Variants in FNDC3B observed in about 807,000 individuals in gnomAD.
FNDC3B encodes fibronectin type III domain containing 3B.
In FNDC3B, 12 loss-of-function variants were observed where a neutral mutation model predicts 151.5. The observed-to-expected ratio is 0.08, with a 90% CI of 0.05 to 0.13. FNDC3B has a LOEUF of 0.13. FNDC3B is among the 10% of genes least tolerant of loss of function. The probability of loss-of-function intolerance (pLI) is 1.00; values close to 1 mark genes in which losing one functional copy is unlikely to be tolerated. For missense variants in FNDC3B, 1,214 were observed against 1,505.3 expected (o/e 0.81, Z 3.20); for synonymous variants, 528 against 549.0 (o/e 0.96, Z 0.54).
chr3:172,268,373 G>A (rs1399362133), intron 6 of FNDC3B, among the ~76,000 whole-genome samples: 4 of 152,150 alleles, frequency 2.6e-5, no homozygotes, highest in African/African-American at 9.7e-5. Context: ...AAGTTGATGA[G>A]AATAATGAAG....
intron 8 of FNDC3B, among the ~76,000 whole-genome samples, chr3:172,297,622 C>G (rs1369299788): frequency 6.6e-6 from 1 of 152,092 alleles, no homozygotes; most frequent in East Asian, 1.9e-4. Context: ...TTACAGGTGC[C>G]CGCCACCACG....
At chr3:172,195,745 G>A (rs1241450698) in intron 3 of FNDC3B, among the ~76,000 whole-genome samples, 1 of 152,186 alleles carries the variant, frequency 6.6e-6, no homozygotes, top group Admixed American at 6.5e-5. Context: ...GCCAGCCTGA[G>A]GAATAGGATG....
At chr3:172,151,429 C>T (rs1284722507) in intron 3 of FNDC3B, among the ~76,000 whole-genome samples, 3 of 152,154 alleles carry the variant, frequency 2.0e-5, no homozygotes, top group Admixed American at 2.0e-4. Context: ...GCTTTCTTTA[C>T]TTACCGTCTC....
chr3:172,174,674 A>G (rs1723459861), intron 3 of FNDC3B, among the ~76,000 whole-genome samples: 1 of 152,074 alleles, frequency 6.6e-6, no homozygotes, highest in Admixed American at 6.5e-5. Context: ...AGACAAACAA[A>G]CAGGGGCCTT....
rs1470498217 is a variant in FNDC3B, at chr3:172,196,725, G to A, written c.188-30146G>A. Among the ~76,000 whole-genome samples, 8 of 152,076 alleles carry A rather than the reference G, an allele frequency of 5.3e-5. No homozygotes were observed. The South Asian group carries it at 1.2e-3, about 24-fold the overall frequency. Reference sequence around the variant, plus strand: ...CTAGAGGTTAAGGACAGCCCTCAAAGTCTTGTAATGTTAGGATGAGCCACA... The same window carrying A: ...CTAGAGGTTAAGGACAGCCCTCAAAATCTTGTAATGTTAGGATGAGCCACA... On this transcript the variant is annotated intron_variant, in intron 3 of 25. Transcript: ENST00000415807.
intron 1 of FNDC3B, among the ~76,000 whole-genome samples, chr3:172,067,255 T>C (rs1717545665): frequency 6.6e-6 from 1 of 152,254 alleles, no homozygotes; most frequent in Non-Finnish European, 1.5e-5. Flanking sequence ...AATGTGGCGC[T>C]GTAATTAGTT....
rs566449394 is a variant in FNDC3B, at chr3:172,192,275, C to T, written c.188-34596C>T. On this transcript the variant is annotated intron_variant, in intron 3 of 25. Transcript: ENST00000415807. Reference sequence around the variant, plus strand: ...GCAACCTCCGCCTCCCTGGTACAAGCGATTCTCCTGCCTCAGCCTCCTGAG... The same window carrying T: ...GCAACCTCCGCCTCCCTGGTACAAGTGATTCTCCTGCCTCAGCCTCCTGAG... 1.7e-4 allele frequency among the ~76,000 whole-genome samples: 26 copies of T among 150,664 alleles called. No individual in the cohort carries two copies. In the East Asian group the frequency reaches 3.7e-3, roughly 21 times the overall value.
intron 1 of FNDC3B, among the ~76,000 whole-genome samples, chr3:172,109,370 T>G (rs1383591892): frequency 6.6e-6 from 1 of 151,814 alleles, no homozygotes; most frequent in East Asian, 1.9e-4. Flanking sequence ...GTTTCACCGT[T>G]TTAGCCGGGA....
Position 172,399,518 on chromosome 3 carries a change from T to C in FNDC3B, c.*2043T>C, listed in dbSNP as rs1417057182. The stretch of plus-strand genomic sequence containing the variant: ...GTGCCTATATTGACGTAGTGAGTAC[T>C]AGAGAGTTCTGTATTTTATTATTGA... On this transcript the variant is annotated 3_prime_UTR_variant, in exon 26 of 26. Coordinates refer to ENST00000415807, the MANE Select transcript of FNDC3B (RefSeq NM_022763.4). The C allele has an allele frequency of 2.0e-5, 3 of 152,664 alleles. No homozygotes were observed. The highest frequency in any genetic ancestry group is 2.9e-5 in the Non-Finnish European group (2 of 68,026). 9.5% of individuals were successfully genotyped at this position (152,664 alleles called of 1,614,324 possible). A position where few individuals can be genotyped will look rare whatever the true frequency, so the allele number is the denominator to read the frequency against.
At chr3:172,282,937 C>T (rs1332386605) in intron 6 of FNDC3B, among the ~76,000 whole-genome samples, 1 of 152,218 alleles carries the variant, frequency 6.6e-6, no homozygotes, top group Non-Finnish European at 1.5e-5. Flanking sequence ...GGTGGTGTGC[C>T]CAGCACCGGA....
At chr3:172,145,772 T>TA (rs1721873886) in intron 3 of FNDC3B, among the ~76,000 whole-genome samples, 1 of 152,092 alleles carries the variant, frequency 6.6e-6, no homozygotes, top group South Asian at 2.1e-4. Flanking sequence ...GCAGATAGTA[T>TA]AAATTGTCTT....
Position 172,209,852 on chromosome 3 carries a change from C to T in FNDC3B, c.188-17019C>T, listed in dbSNP as rs1284796433. Reference sequence around the variant, plus strand: ...GCCCGCACTGAACTGCCCTCAGCCCCTTGGCCTCCTTCCCATGCTCGTTGG... The same window carrying T: ...GCCCGCACTGAACTGCCCTCAGCCCTTTGGCCTCCTTCCCATGCTCGTTGG... On this transcript the variant is annotated intron_variant, in intron 3 of 25. Coordinates refer to ENST00000415807, the MANE Select transcript of FNDC3B (RefSeq NM_022763.4). Among the ~76,000 whole-genome samples the T allele has an allele frequency of 2.0e-5, 3 of 152,278 alleles. No homozygotes were observed. In the East Asian group the frequency reaches 5.8e-4, roughly 29 times the overall value.
intron 7 of FNDC3B, among the ~76,000 whole-genome samples, chr3:172,287,962 C>T (rs1424248818): frequency 6.6e-6 from 1 of 152,194 alleles, no homozygotes; most frequent in Non-Finnish European, 1.5e-5. Flanking sequence ...CAGAAGCACA[C>T]AGATGTTAGC....
chr3:172,171,532 G>A (rs1015865506), intron 3 of FNDC3B, among the ~76,000 whole-genome samples: 1 of 151,884 alleles, frequency 6.6e-6, no homozygotes, highest in South Asian at 2.1e-4. Context: ...TGGAGATGGG[G>A]TTGGGGGAGG....
intron 6 of FNDC3B, among the ~76,000 whole-genome samples, chr3:172,262,759 G>A (rs546533807): frequency 3.3e-5 from 5 of 151,806 alleles, no homozygotes; most frequent in South Asian, 4.2e-4. Flanking sequence ...TTAGCTGGAT[G>A]TGGTGGGCAT....
intron 1 of FNDC3B, among the ~76,000 whole-genome samples, chr3:172,098,946 G>T (rs867313760): frequency 2.8e-4 from 42 of 152,320 alleles, no homozygotes; most frequent in Middle Eastern, 3.4e-3. Context: ...TTTGTGAGAA[G>T]TGGTTTCCCA....
chr3:172,056,535 G>A (rs779573560), intron 1 of FNDC3B, among the ~76,000 whole-genome samples: 33 of 152,196 alleles, frequency 2.2e-4, no homozygotes, highest in Non-Finnish European at 4.7e-4. Context: ...TCTGAGTTTG[G>A]AACTGTGCTG....
chr3:172,253,496 T>A (rs562459814), intron 6 of FNDC3B, among the ~76,000 whole-genome samples: 14 of 152,314 alleles, frequency 9.2e-5, no homozygotes, highest in Admixed American at 5.9e-4. Context: ...TTCTTTCTCA[T>A]CCTTACAGTG....
At chr3:172,066,030 T>G (rs1717480182) in intron 1 of FNDC3B, among the ~76,000 whole-genome samples, 1 of 152,232 alleles carries the variant, frequency 6.6e-6, no homozygotes, top group South Asian at 2.1e-4. Flanking sequence ...CATGAAGGCT[T>G]GGAATGTAGA....
Sources: gnomAD v4.1 joint callset for allele counts (sites outside exome capture counted in the v4.1 genomes callset) on GRCh38, gnomAD v4.1.1 for gene constraint, MANE v1.5 for transcripts, NCBI Gene and HGNC (gene_info 2026-07-23, HGNC 2026-07-21) for gene names.